IZUMO1: variants seen among roughly 807,000 people sequenced by gnomAD.
IZUMO1 encodes izumo sperm-egg fusion protein 1.
A neutral mutation model predicts 40.7 loss-of-function variants in IZUMO1; 44 were observed. The observed-to-expected ratio is 1.08, with a 90% confidence interval of 0.85 to 1.39. The LOEUF (loss-of-function observed/expected upper bound fraction) is 1.39, where lower values mean the gene tolerates loss of function less well. Among genes scored for constraint, IZUMO1 ranks in the 40% most tolerant of loss-of-function variants. The pLI, the probability that IZUMO1 is intolerant of heterozygous loss-of-function variation, is 0.00. For missense variants in IZUMO1, 368 were observed against 436.9 expected (o/e 0.84, Z 1.41); for synonymous variants, 149 against 170.9 (o/e 0.87, Z 1.00).
rs777527385 is a variant in IZUMO1 at position 48,744,159 on chromosome 19, T to A, written c.418+16A>T. 1 of 1,612,492 alleles carries A rather than the reference T, an allele frequency of 6.2e-7. No individual in the cohort carries two copies. The highest frequency in any genetic ancestry group is 8.5e-7 in the Non-Finnish European group (1 of 1,178,572). On this transcript the variant is annotated intron_variant, in intron 5 of 9. Coordinates refer to ENST00000332955, the MANE Select transcript of IZUMO1 (RefSeq NM_182575.3). Reference sequence around the variant, plus strand: ...AGAGGGCAGGATGAGGGTTAACTTCTGTAATCCAGACTCACCACATTTGTT... The same window carrying A: ...AGAGGGCAGGATGAGGGTTAACTTCAGTAATCCAGACTCACCACATTTGTT...
Position 48,741,241 on chromosome 19 carries a change from T to C in IZUMO1, c.932+60A>G. 1 of 1,498,498 alleles carries C rather than the reference T, an allele frequency of 6.7e-7. No individual in the cohort carries two copies. The highest frequency in any genetic ancestry group is 2.4e-5 in the East Asian group (1 of 41,516). 92.8% of individuals were successfully genotyped at this position (1,498,498 alleles called of 1,614,324 possible). A position where few individuals can be genotyped will look rare whatever the true frequency, so the allele number is the denominator to read the frequency against. The stretch of plus-strand genomic sequence containing the variant: ...CCCCCAGACCAGCTTCTGTGTTGGG[T>C]TCCTGGAAGCCCCGCCCCTTACTCC... On this transcript the variant is annotated intron_variant, in intron 9 of 9. Coordinates refer to ENST00000332955, the MANE Select transcript of IZUMO1 (RefSeq NM_182575.3). The surrounding 1 kb of genome is among the most constrained non-coding windows in gnomAD (Gnocchi z 4.4).
Position 48,741,991 on chromosome 19 carries a change from G to T in IZUMO1, c.601-49C>A. On this transcript the variant is annotated intron_variant, in intron 7 of 9. Transcript: ENST00000332955. This position sits in a 1 kb window ranked among gnomAD's most constrained non-coding sequence, Gnocchi z 4.4. Reference sequence around the variant, plus strand: ...CTGAGGCCTGAGGAATTCAGGGGTTGGGGGAGTACAGGGGTGAGAAGATCA... The same window carrying T: ...CTGAGGCCTGAGGAATTCAGGGGTTTGGGGAGTACAGGGGTGAGAAGATCA... 2 of 1,554,992 alleles carry T rather than the reference G, an allele frequency of 1.3e-6. No homozygotes were observed. Among genetic ancestry groups the T allele is most frequent in the South Asian group, 1.2e-5 (1 of 83,302 alleles).
chr19:48,745,251 C>G lies in IZUMO1; in HGVS notation c.273G>C (p.Leu91=). Residue 91 remains leucine, a synonymous_variant, in exon 3 of 10, where the codon CTG becomes CTC. Transcript: ENST00000332955. The stretch of plus-strand genomic sequence containing the variant: ...TGTCTGTGATGCGTTTCAGATCCTT[C>G]AGCAAACTCCAGGACCCCTTTTGCA... ...ATLQKGSWSL[L]KDLKRITDSD... The G allele has an allele frequency of 4.3e-6, 7 of 1,614,086 alleles. No homozygotes were observed. The highest frequency in any genetic ancestry group is 5.1e-6 in the Non-Finnish European group (6 of 1,179,994).
At chr19:48,744,936 A>G (rs969186533) in intron 3 of IZUMO1, among the ~76,000 whole-genome samples, 1 of 152,184 alleles carries the variant, frequency 6.6e-6, no homozygotes, top group Non-Finnish European at 1.5e-5. Context: ...AGCTCAAGTA[A>G]TCTGCCTGCC....
At chr19:48,743,857 G>A (rs954987013) in intron 5 of IZUMO1, 2 of 473,058 alleles carry the variant, frequency 4.2e-6, no homozygotes, top group African/African-American at 2.0e-5. Context: ...TGGGTGTGAT[G>A]GCGGGCACCT....
chr19:48,746,629 T>C lies in IZUMO1; in HGVS notation c.-268A>G. The C allele has an allele frequency of 1.0e-6, 1 of 985,458 alleles. No homozygotes were observed. Among genetic ancestry groups the C allele is most frequent in the Non-Finnish European group, 1.2e-6 (1 of 829,928 alleles). The allele number at this position is 985,458 out of a possible 1,614,324, so 61.0% of individuals were successfully genotyped here. A position where few individuals can be genotyped will look rare whatever the true frequency, so the allele number is the denominator to read the frequency against. ...ACCCTAAACAGCCGCTCCCCGACCT[T>C]GGTTCCCGATTTGTGGCCTCTAACA... is the stretch of plus-strand genomic sequence containing the variant. On this transcript the variant is annotated 5_prime_UTR_variant, in exon 1 of 10. Transcript: ENST00000332955.
intron 5 of IZUMO1, chr19:48,743,878 C>T (rs1471264306): frequency 2.1e-6 from 1 of 475,482 alleles, no homozygotes; most frequent in Non-Finnish European, 3.8e-6. Context: ...GTAATCCCAG[C>T]TACTCAGGGG....
At position 48,743,434 on chromosome 19, in the gene IZUMO1, A is replaced by G. The variant is rs746916109; in HGVS notation, c.499+11T>C. The G allele has an allele frequency of 3.1e-6, 5 of 1,613,720 alleles. No homozygotes were observed. The South Asian group carries it at 3.3e-5, about 11-fold the overall frequency. Reference sequence around the variant, plus strand: ...TGCACCAATTCCTCCTGCTGGGTCCAGTTCTCTCACCCCCGCAATCGTAGG... The same window carrying G: ...TGCACCAATTCCTCCTGCTGGGTCCGGTTCTCTCACCCCCGCAATCGTAGG... On this transcript the variant is annotated intron_variant, in intron 6 of 9. Coordinates refer to ENST00000332955, the MANE Select transcript of IZUMO1 (RefSeq NM_182575.3).
At chr19:48,746,060 A>G in intron 1 of IZUMO1, 128 bp from the exon 2 acceptor site, 4 of 1,419,644 alleles carry the variant, frequency 2.8e-6, no homozygotes, top group Non-Finnish European at 2.7e-6. Flanking sequence ...TCCTTCATCA[A>G]ATGCCTCCGA....
chr19:48,745,827 C>A lies in IZUMO1; in HGVS notation c.33G>T (p.Ala11=), dbSNP rs777510364. Residue 11 remains alanine, a synonymous_variant, in exon 2 of 10, where the codon GCG becomes GCT. Coordinates refer to ENST00000332955, the MANE Select transcript of IZUMO1 (RefSeq NM_182575.3). MGPHFTLLCA[A]LAGCLLPAEG... is the part of the protein sequence containing the mutation. The stretch of plus-strand genomic sequence containing the variant: ...CGGCAGGAAGCAAGCAACCGGCCAG[C>A]GCCGCACACAGGAGGGTAAAATGCG... 4.3e-6 allele frequency: 7 copies of A among 1,614,198 alleles called. No individual in the cohort carries two copies. The highest frequency in any genetic ancestry group is 5.9e-6 in the Non-Finnish European group (7 of 1,180,040).
Position 48,741,491 on chromosome 19 carries a change from G to A in IZUMO1, c.755-13C>T, listed in dbSNP as rs369460428. 1.9e-6 allele frequency: 3 copies of A among 1,595,572 alleles called. No individual in the cohort carries two copies. Among genetic ancestry groups the A allele is most frequent in the Non-Finnish European group, 2.6e-6 (3 of 1,165,158 alleles). Reference sequence around the variant, plus strand: ...ATTTTGGGCAACACTGTTAGAGAAAGCGTAAAGAGCAGTCCTGGCAGGGCG... The same window carrying A: ...ATTTTGGGCAACACTGTTAGAGAAAACGTAAAGAGCAGTCCTGGCAGGGCG... On this transcript the variant is annotated splice_polypyrimidine_tract_variant and intron_variant, in intron 8 of 9. Transcript: ENST00000332955. This position sits in a 1 kb window ranked among gnomAD's most constrained non-coding sequence, Gnocchi z 4.4.
At position 48,746,863 on chromosome 19, in the gene IZUMO1, C is replaced by G. The variant is rs1056849381; in HGVS notation, c.-502G>C. 2.0e-6 allele frequency: 2 copies of G among 985,312 alleles called. No individual in the cohort carries two copies. The highest frequency in any genetic ancestry group is 2.3e-4 in the East Asian group (2 of 8,888). 61.0% of individuals were successfully genotyped at this position (985,312 alleles called of 1,614,324 possible). On this transcript the variant is annotated 5_prime_UTR_variant, in exon 1 of 10. Transcript: ENST00000332955. Reference sequence around the variant, plus strand: ...CCACAAGGAACTCCTGAAACCACCCCCTCCGAGCTTCTCACGTAGGGGCCC... The same window carrying G: ...CCACAAGGAACTCCTGAAACCACCCGCTCCGAGCTTCTCACGTAGGGGCCC...
At chr19:48,744,113 G>A (rs1476464823) in intron 5 of IZUMO1, 62 bp downstream of exon 5, 19 of 1,469,328 alleles carry the variant, frequency 1.3e-5, no homozygotes, top group South Asian at 3.4e-5. Context: ...CCAAAAAGGC[G>A]AGTGGGGAGG....
intron 7 of IZUMO1, 100 bp from the exon 8 acceptor site, chr19:48,742,042 G>T: frequency 6.5e-7 from 1 of 1,533,684 alleles, no homozygotes. Flanking sequence ...GGAGGTGAGT[G>T]TCCAGGGTGT....
intron 6 of IZUMO1, 104 bp from the exon 7 acceptor site, chr19:48,742,413 T>G: frequency 1.3e-6 from 1 of 795,438 alleles, no homozygotes; most frequent in South Asian, 1.4e-5. Flanking sequence ...ATTGGCGCGA[T>G]CTCGGCTCAC....
At position 48,744,538 on chromosome 19, in the gene IZUMO1, G is replaced by T. The variant is rs781599576; in HGVS notation, c.312C>A (p.Gly104=). The T allele has an allele frequency of 4.3e-6, 7 of 1,610,524 alleles. No homozygotes were observed. The South Asian group carries it at 5.5e-5, about 13-fold the overall frequency. Residue 104 remains glycine (G), a splice_region_variant and synonymous_variant, in exon 4 of 10, where the codon GGC becomes GGA. Coordinates refer to ENST00000332955, the MANE Select transcript of IZUMO1 (RefSeq NM_182575.3). ...LKRITDSDVK[G]DLFVKELFWM... is the part of the protein sequence containing the mutation. The stretch of plus-strand genomic sequence containing the variant: ...AAAATAGCTCCTTCACGAAGAGATC[G>T]CCTGGGAAGACACAGGAACCCCCAA...
chr19:48,742,662 T>A (rs895204239), intron 6 of IZUMO1, among the ~76,000 whole-genome samples: 1 of 151,740 alleles, frequency 6.6e-6, no homozygotes, highest in African/African-American at 2.4e-5. Context: ...TCACGGTTCT[T>A]TACCCTCCCC....
chr19:48,744,528 C>T lies in IZUMO1; in HGVS notation c.322G>A (p.Val108Met), dbSNP rs151047643. The change falls in exon 4 of 10, where the codon GTG (valine) becomes ATG (methionine). Residue 108 changes from valine to methionine, a missense_variant. Coordinates refer to ENST00000332955, the MANE Select transcript of IZUMO1 (RefSeq NM_182575.3). ...TDSDVKGDLF[V>M]KELFWMLHLQ... ...TGCAACATCCAAAATAGCTCCTTCA[C>T]GAAGAGATCGCCTGGGAAGACACAG... 91 of 1,613,118 alleles carry T rather than the reference C, an allele frequency of 5.6e-5. No homozygotes were observed. Among genetic ancestry groups the T allele is most frequent in the Non-Finnish European group, 7.0e-5 (83 of 1,179,240 alleles).
Position 48,745,110 on chromosome 19 carries a change from T to C in IZUMO1, c.310+104A>G, listed in dbSNP as rs114916175. 324 of 928,586 alleles carry C rather than the reference T, an allele frequency of 3.5e-4. 2 individuals carry two copies. In the African/African-American group the frequency reaches 4.7e-3, roughly 14 times the overall value. 57.5% of individuals were successfully genotyped at this position (928,586 alleles called of 1,614,324 possible). On this transcript the variant is annotated intron_variant, in intron 3 of 9. Transcript: ENST00000332955. ...AAGTGGCAGAGCAGGCATTGGAATC[T>C]AGGCGGTCTGGGTCCACAGCCTAGT...
Sources: gnomAD v4.1 joint callset for allele counts (sites outside exome capture counted in the v4.1 genomes callset) on GRCh38, gnomAD v4.1.1 for gene constraint, Gnocchi (gnomAD v3.1) non-coding constraint, MANE v1.5 for transcripts, NCBI Gene and HGNC (gene_info 2026-07-23, HGNC 2026-07-21) for gene names.